The following DOCK9 variants were observed in gnomAD, a reference collection of about 807,000 sequenced individuals.
DOCK9 encodes the protein dedicator of cytokinesis protein 9.
A neutral mutation model predicts 263.3 loss-of-function variants in DOCK9; 89 were observed. That is an observed-to-expected ratio of 0.34 (90% CI 0.28 to 0.40). The LOEUF (loss-of-function observed/expected upper bound fraction) is 0.40. Ranked by LOEUF, DOCK9 falls within the 10% of genes least tolerant of loss-of-function variation. DOCK9 has a pLI of 1.00. For synonymous variants in DOCK9, 976 were observed against 973.1 expected (o/e 1.00, Z -0.06); for missense variants, 2,140 against 2,603.4 (o/e 0.82, Z 3.87).
At position 98,804,996 on chromosome 13, in the gene DOCK9, T is replaced by C; in HGVS notation, c.5725+3A>G. 1 of 1,596,758 alleles carries C rather than the reference T, an allele frequency of 6.3e-7. No individual in the cohort carries two copies. Among genetic ancestry groups the C allele is most frequent in the Non-Finnish European group, 8.5e-7 (1 of 1,171,750 alleles). ...GTGTCCATGCGGCTTCTGGGGCCCA[T>C]ACCTGTCAGGATGGTGCGCCGTTTG... On this transcript the variant is annotated splice_donor_region_variant and intron_variant, in intron 49 of 52. Transcript: ENST00000682017.
intron 1 of DOCK9, among the ~76,000 whole-genome samples, chr13:99,059,060 T>A (rs2041064369): frequency 6.6e-6 from 1 of 152,174 alleles, no homozygotes; most frequent in Non-Finnish European, 1.5e-5. Flanking sequence ...CTACCCGTCC[T>A]GTAAATGGTG....
At chr13:99,011,749 C>T (rs1261023879) in intron 1 of DOCK9, among the ~76,000 whole-genome samples, 1 of 152,182 alleles carries the variant, frequency 6.6e-6, no homozygotes, top group Non-Finnish European at 1.5e-5. Flanking sequence ...TACCCAAAGT[C>T]ACACAACTAT....
intron 32 of DOCK9, among the ~76,000 whole-genome samples, chr13:98,861,638 A>G (rs1221184766): frequency 1.3e-5 from 2 of 152,198 alleles, no homozygotes; most frequent in Non-Finnish European, 2.9e-5. Context: ...ATAGTGATAA[A>G]CCTTTGAAAA....
At chr13:99,084,810 G>A (rs1355066339) in intron 1 of DOCK9, among the ~76,000 whole-genome samples, 1 of 152,202 alleles carries the variant, frequency 6.6e-6, no homozygotes, top group African/African-American at 2.4e-5. Context: ...CAGAAAAGAT[G>A]CCAAAGAAGT....
At chr13:99,054,855 T>A (rs2040848284) in intron 1 of DOCK9, among the ~76,000 whole-genome samples, 1 of 152,086 alleles carries the variant, frequency 6.6e-6, no homozygotes, top group Non-Finnish European at 1.5e-5. Context: ...ACGAGAAAAA[T>A]TTTAAATGAA....
chr13:98,933,024 G>A (rs940288552), intron 2 of DOCK9, among the ~76,000 whole-genome samples: 1 of 152,172 alleles, frequency 6.6e-6, no homozygotes, highest in Non-Finnish European at 1.5e-5. Flanking sequence ...CACAACTGTT[G>A]TGAAGGACGG....
In DOCK9 at chr13:98,993,508, C is replaced by T. The variant is rs569169603; in HGVS notation, c.130-37957G>A. ...CTTGGAGAGAAGCAATCAGAAATAA[C>T]AAACCATGATAAAGAAAGGAAAGAC... On this transcript the variant is annotated intron_variant, in intron 1 of 32. Coordinates refer to the DOCK9 transcript ENST00000427887. Among the ~76,000 whole-genome samples, 3 of 152,280 alleles carry T rather than the reference C, an allele frequency of 2.0e-5. No individual in the cohort carries two copies. The South Asian group carries it at 6.2e-4, about 32-fold the overall frequency.
chr13:98,990,871 A>G (rs1218492511), intron 1 of DOCK9, among the ~76,000 whole-genome samples: 1 of 152,206 alleles, frequency 6.6e-6, no homozygotes, highest in Non-Finnish European at 1.5e-5. Flanking sequence ...AAGAACCAAA[A>G]GGAATGCGGA....
At chr13:98,797,954 G>A (rs2089637082) in intron 50 of DOCK9, among the ~76,000 whole-genome samples, 1 of 152,176 alleles carries the variant, frequency 6.6e-6, no homozygotes, top group Non-Finnish European at 1.5e-5. Flanking sequence ...AAACCCAACT[G>A]TTCATTTCAT....
intron 1 of DOCK9, among the ~76,000 whole-genome samples, chr13:99,048,569 A>G (rs1787025093): frequency 6.6e-6 from 1 of 152,100 alleles, no homozygotes; most frequent in African/African-American, 2.4e-5. Context: ...TCCCTTCCAT[A>G]TTTTGGTGCT....
chr13:98,836,410 G>A (rs1382590773), intron 39 of DOCK9, among the ~76,000 whole-genome samples: 4 of 152,158 alleles, frequency 2.6e-5, no homozygotes. Context: ...CTTCTTTCAT[G>A]TTTCTAGTAG....
chr13:99,020,125 T>C (rs892863493), intron 1 of DOCK9, among the ~76,000 whole-genome samples: 4 of 152,024 alleles, frequency 2.6e-5, no homozygotes, highest in African/African-American at 9.7e-5. Flanking sequence ...AATTTAAGAA[T>C]GAGGGTGGGG....
At chr13:98,845,286 G>A in intron 38 of DOCK9, 1 of 1,331,114 alleles carries the variant, frequency 7.5e-7, no homozygotes, top group Non-Finnish European at 1.0e-6. Context: ...GCTTGCAAGT[G>A]AAGCAACCTC....
intron 1 of DOCK9, among the ~76,000 whole-genome samples, chr13:99,030,299 C>A (rs1331371978): frequency 6.6e-6 from 1 of 152,102 alleles, no homozygotes; most frequent in African/African-American, 2.4e-5. Flanking sequence ...GTGTCACAGG[C>A]ATATGAAATA....
At chr13:98,898,775 A>G (rs2047815640) in intron 13 of DOCK9, among the ~76,000 whole-genome samples, 2 of 152,216 alleles carry the variant, frequency 1.3e-5, no homozygotes, top group African/African-American at 2.4e-5. Flanking sequence ...GGGGTTCTCA[A>G]TGCTATATTC....
intron 1 of DOCK9, among the ~76,000 whole-genome samples, chr13:98,958,474 G>T (rs1346500607): frequency 6.6e-6 from 1 of 152,228 alleles, no homozygotes; most frequent in Non-Finnish European, 1.5e-5. Flanking sequence ...TGTATTCTTA[G>T]AGCAGGAGTC....
At chr13:98,820,273 T>A (rs1350865855) in intron 45 of DOCK9, among the ~76,000 whole-genome samples, 1 of 152,216 alleles carries the variant, frequency 6.6e-6, no homozygotes. Context: ...CTTATGTAAC[T>A]TACACATGGC....
At chr13:98,906,316 G>A (rs1325543161) in intron 9 of DOCK9, among the ~76,000 whole-genome samples, 3 of 152,106 alleles carry the variant, frequency 2.0e-5, no homozygotes, top group Non-Finnish European at 4.4e-5. Flanking sequence ...GAGAGGCCAC[G>A]GAAGAAAACC....
intron 1 of DOCK9, among the ~76,000 whole-genome samples, chr13:98,960,180 G>A (rs755329557): frequency 6.6e-6 from 1 of 152,164 alleles, no homozygotes; most frequent in African/African-American, 2.4e-5. Context: ...ACAGACTTCC[G>A]AGGGAGAAGT....
Sources: gnomAD v4.1 joint callset for allele counts (sites outside exome capture counted in the v4.1 genomes callset) on GRCh38, gnomAD v4.1.1 for gene constraint, MANE v1.5 for transcripts, NCBI Gene and HGNC (gene_info 2026-07-23, HGNC 2026-07-21) for gene names.